Variants in EMC3 observed in about 807,000 individuals in gnomAD.
EMC3 encodes ER membrane protein complex subunit 3, also known as 30 kDa protein.
EMC3 carries 13 observed loss-of-function variants against 36.6 expected under a neutral mutation model. The ratio of observed to expected loss-of-function variants is 0.35; its 90% confidence interval spans 0.23 to 0.56. The LOEUF is 0.56. Ranked by LOEUF, EMC3 falls within the 20% of genes least tolerant of loss-of-function variation. EMC3 has a pLI of 0.84. For missense variants in EMC3, 220 were observed against 324.5 expected (o/e 0.68, Z 2.47); for synonymous variants, 120 against 111.9 (o/e 1.07, Z -0.46).
At chr3:9,988,729 C>T (rs2086008963), upstream of EMC3, 1 of 1,526,504 alleles carries the variant, frequency 6.6e-7, no homozygotes, top group Admixed American at 1.7e-5. Flanking sequence ...AAAACACTGC[C>T]TCAGTATCTG....
In EMC3 at chr3:9,973,716, A is replaced by G; in HGVS notation, c.413-7T>C. On this transcript the variant is annotated splice_polypyrimidine_tract_variant and splice_region_variant and intron_variant, in intron 4 of 7. Coordinates refer to ENST00000245046, the MANE Select transcript of EMC3 (RefSeq NM_001394674.1). ...AGTGGAAATGGGACCTTGGCTGCAG[A>G]GAAGAAAAAGTTCACAATCACTCTG... is the stretch of plus-strand genomic sequence containing the variant. 1 of 1,613,264 alleles carries G rather than the reference A, an allele frequency of 6.2e-7. No individual in the cohort carries two copies. The highest frequency in any genetic ancestry group is 8.5e-7 in the Non-Finnish European group (1 of 1,179,156).
rs1462349529 is a variant in EMC3, at chr3:9,966,253, C to T, written c.658-2056G>A. Among the ~76,000 whole-genome samples the T allele has an allele frequency of 5.4e-5, 8 of 148,012 alleles. No individual in the cohort carries two copies. The East Asian group carries it at 1.4e-3, about 26-fold the overall frequency. ...TTTTTTTTTTTTTGAGATGGAGTCT[C>T]GCTCTGGCACCCAGGCTGGAGTGCA... On this transcript the variant is annotated intron_variant, in intron 7 of 7. Transcript: ENST00000245046.
rs777611095 is a variant in EMC3, at chr3:9,985,220, G to A, written c.155+1287C>T. 3.3e-5 allele frequency among the ~76,000 whole-genome samples: 5 copies of A among 152,280 alleles called. No individual in the cohort carries two copies. In the South Asian group the frequency reaches 8.3e-4, roughly 25 times the overall value. On this transcript the variant is annotated intron_variant, in intron 1 of 7. Coordinates refer to ENST00000245046, the MANE Select transcript of EMC3 (RefSeq NM_001394674.1). Reference sequence around the variant, plus strand: ...TAAATTACCAGCAAATGGAAATCCAGTATTGTCACAAAAAAGAAAGTAACT... The same window carrying A: ...TAAATTACCAGCAAATGGAAATCCAATATTGTCACAAAAAAGAAAGTAACT...
At chr3:9,969,935 A>G in intron 6 of EMC3, 134 bp from the exon 7 acceptor site, 4 of 1,405,454 alleles carry the variant, frequency 2.8e-6, no homozygotes, top group South Asian at 1.5e-5. Flanking sequence ...CCCACTGGCT[A>G]TGTGACTCTA....
chr3:9,991,769 C>G (rs2086055391), upstream of EMC3, among the ~76,000 whole-genome samples: 2 of 152,194 alleles, frequency 1.3e-5, no homozygotes, highest in Admixed American at 1.3e-4. Flanking sequence ...TCAGCAGTCC[C>G]TAACCTTTTT....
chr3:9,994,784 C>G (rs1450576095), intron 1 of EMC3, among the ~76,000 whole-genome samples: 1 of 152,064 alleles, frequency 6.6e-6, no homozygotes, highest in Non-Finnish European at 1.5e-5. Context: ...GTTGGCCATC[C>G]TGGTCTCGAA....
chr3:9,989,340 CA>C (rs2086017660), upstream of EMC3, among the ~76,000 whole-genome samples: 1 of 152,142 alleles, frequency 6.6e-6, no homozygotes, highest in South Asian at 2.1e-4. Context: ...CATCTGAGGT[CA>C]GGAGTTTGAG....
chr3:10,001,718 C>T (rs1196791666), intron 1 of EMC3, among the ~76,000 whole-genome samples: 1 of 152,118 alleles, frequency 6.6e-6, no homozygotes, highest in African/African-American at 2.4e-5. Flanking sequence ...GAAATCAGGG[C>T]TGGGTGCTGT....
chr3:9,991,095 T>C (rs1237382890), upstream of EMC3, among the ~76,000 whole-genome samples: 1 of 152,216 alleles, frequency 6.6e-6, no homozygotes. Flanking sequence ...CCCAAAGTGC[T>C]GGGATTACAG....
Position 9,970,631 on chromosome 3 carries a change from A to G in EMC3, c.525T>C (p.Asn175=), listed in dbSNP as rs750215953. The change falls in exon 6 of 8, where the codon AAT becomes AAC. Residue 175 remains asparagine (N), a synonymous_variant. Coordinates refer to ENST00000245046, the MANE Select transcript of EMC3 (RefSeq NM_001394674.1). ...WVSSASWYFL[N]VFGLRSIYSL... ...AGTAAATGCTCCGAAGCCCAAATACATTGAGGAAGTACCAGGATGCAGAAC... is the reference window on the plus strand; with the variant it reads ...AGTAAATGCTCCGAAGCCCAAATACGTTGAGGAAGTACCAGGATGCAGAAC... 1.2e-6 allele frequency: 2 copies of G among 1,614,072 alleles called. No individual in the cohort carries two copies. Among genetic ancestry groups the G allele is most frequent in the African/African-American group, 2.7e-5 (2 of 74,936 alleles).
At chr3:9,967,905 G>C (rs932710217) in intron 7 of EMC3, among the ~76,000 whole-genome samples, 2 of 152,082 alleles carry the variant, frequency 1.3e-5, no homozygotes, top group Admixed American at 6.6e-5. Flanking sequence ...TCAGTATGTC[G>C]GTTTAAATCT....
intron 1 of EMC3, among the ~76,000 whole-genome samples, chr3:9,984,489 A>C (rs1055491808): frequency 1.3e-5 from 2 of 151,850 alleles, no homozygotes; most frequent in Non-Finnish European, 2.9e-5. Context: ...TCCTGGGTTC[A>C]AGCAATTCCA....
At chr3:9,973,547 A>G in intron 5 of EMC3, 81 bp downstream of exon 5, 1 of 1,322,666 alleles carries the variant, frequency 7.6e-7, no homozygotes, top group Non-Finnish European at 1.1e-6. Flanking sequence ...CTGGTCTCAA[A>G]CTCATGGGCT....
At chr3:10,002,573 A>G (rs1032248523) in intron 1 of EMC3, 24 of 351,956 alleles carry the variant, frequency 6.8e-5, no homozygotes, top group Non-Finnish European at 1.2e-4. Flanking sequence ...GGCATGAGCC[A>G]CCGCGCCAAG....
Position 9,974,502 on chromosome 3 carries a change from A to G in EMC3, c.308-14T>C. The G allele has an allele frequency of 1.3e-6, 2 of 1,552,606 alleles. No homozygotes were observed. The highest frequency in any genetic ancestry group is 8.9e-7 in the Non-Finnish European group (1 of 1,124,718). On this transcript the variant is annotated splice_polypyrimidine_tract_variant and intron_variant, in intron 3 of 7. Coordinates refer to ENST00000245046, the MANE Select transcript of EMC3 (RefSeq NM_001394674.1). ...ACATAGTAGGATCTAAGACAAAAGC[A>G]CAAACAAGAAACCACTAAGTTTTAC... is the stretch of plus-strand genomic sequence containing the variant.
intron 4 of EMC3, 143 bp downstream of exon 4, chr3:9,974,241 C>T: frequency 1.6e-6 from 1 of 618,740 alleles, no homozygotes; most frequent in Non-Finnish European, 2.8e-6. Flanking sequence ...TGGGCAAAAG[C>T]CGTAAAAGTC....
upstream of EMC3, among the ~76,000 whole-genome samples, chr3:9,990,739 A>T (rs1327887712): frequency 1.3e-5 from 2 of 149,916 alleles, no homozygotes; most frequent in Non-Finnish European, 1.5e-5. Flanking sequence ...CAAACTCCTG[A>T]CTCAGGTGAT....
chr3:9,970,772 G>T, intron 5 of EMC3, 111 bp from the exon 6 acceptor site: 1 of 973,706 alleles, frequency 1.0e-6, no homozygotes, highest in Non-Finnish European at 1.6e-6. Flanking sequence ...AGTCACCTTG[G>T]ATGGGCTATA....
At chr3:9,973,820 G>T in intron 4 of EMC3, 111 bp from the exon 5 acceptor site, 1 of 961,000 alleles carries the variant, frequency 1.0e-6, no homozygotes, top group South Asian at 1.4e-5. Flanking sequence ...TTTGGAAAAC[G>T]ACTTCCACAA....
Sources: allele counts gnomAD v4.1 joint callset (sites outside exome capture counted in the v4.1 genomes callset), GRCh38; gene constraint gnomAD v4.1.1; transcripts MANE v1.5; gene names NCBI Gene and HGNC (gene_info 2026-07-23, HGNC 2026-07-21).